SH3PXD2A: variants seen among roughly 807,000 people sequenced by gnomAD.
SH3PXD2A encodes SH3 and PX domains 2A.
SH3PXD2A carries 32 observed loss-of-function variants against 115.2 expected under a neutral mutation model. That is an observed-to-expected ratio of 0.28 (90% CI 0.21 to 0.37). SH3PXD2A has a LOEUF of 0.37. SH3PXD2A is among the 10% of genes least tolerant of loss of function. SH3PXD2A has a pLI of 1.00. For synonymous variants in SH3PXD2A, 610 were observed against 629.1 expected (o/e 0.97, Z 0.45); for missense variants, 1,328 against 1,498.7 (o/e 0.89, Z 1.88).
intron 5 of SH3PXD2A, among the ~76,000 whole-genome samples, chr10:103,702,028 C>G (rs933123421): frequency 6.9e-6 from 1 of 144,786 alleles, no homozygotes; most frequent in Non-Finnish European, 1.5e-5. Flanking sequence ...CATCATCCAT[C>G]CACCATCCAT....
chr10:103,766,498 G>C (rs934447132), intron 3 of SH3PXD2A, among the ~76,000 whole-genome samples: 1 of 152,160 alleles, frequency 6.6e-6, no homozygotes, highest in Non-Finnish European at 1.5e-5. Context: ...CCTCGGTATA[G>C]AGATGTGCAT....
At chr10:103,778,067 C>T (rs976001799) in intron 2 of SH3PXD2A, among the ~76,000 whole-genome samples, 1 of 152,136 alleles carries the variant, frequency 6.6e-6, no homozygotes, top group East Asian at 1.9e-4. Context: ...CAGTGACTCA[C>T]GCCTGTAATC....
rs2036145854 is a variant in SH3PXD2A, at chr10:103,596,980, C to G, written c.*4836G>C. ...AGGGGCAGAGCTCTGAGGCTCCAAC[C>G]CAGAGGAAACTTCCCATTCTGTTGC... On this transcript the variant is annotated 3_prime_UTR_variant, in exon 15 of 15. Transcript: ENST00000369774. 1 of 152,590 alleles carries G rather than the reference C, an allele frequency of 6.6e-6. No individual in the cohort carries two copies. Among genetic ancestry groups the G allele is most frequent in the African/African-American group, 2.4e-5 (1 of 41,418 alleles). 9.5% of individuals were successfully genotyped at this position (152,590 alleles called of 1,614,324 possible). A position where few individuals can be genotyped will look rare whatever the true frequency, so the allele number is the denominator to read the frequency against.
At chr10:103,799,983 G>A (rs1388541114) in intron 2 of SH3PXD2A, among the ~76,000 whole-genome samples, 2 of 152,188 alleles carry the variant, frequency 1.3e-5, no homozygotes, top group Non-Finnish European at 2.9e-5. Context: ...TGAGGACAAT[G>A]AGATAGAATT....
At chr10:103,606,482 TC>T (rs2036308636) in intron 13 of SH3PXD2A, among the ~76,000 whole-genome samples, 1 of 72,562 alleles carries the variant, frequency 1.4e-5, no homozygotes, top group Non-Finnish European at 2.7e-5. Context: ...CCCCTCCCCT[TC>T]CCTCTCCCTC....
chr10:103,599,509 T>TGAC lies in SH3PXD2A; in HGVS notation c.*2304_*2306dup, dbSNP rs2036186015. The TGAC allele has an allele frequency of 6.6e-6, 1 of 152,670 alleles. No individual in the cohort carries two copies. The highest frequency in any genetic ancestry group is 2.4e-5 in the African/African-American group (1 of 41,466). 9.5% of individuals were successfully genotyped at this position (152,670 alleles called of 1,614,324 possible). On this transcript the variant is annotated 3_prime_UTR_variant, in exon 15 of 15. Transcript: ENST00000369774. The stretch of plus-strand genomic sequence containing the variant: ...ATAGCTACATTGAAGGTTCTTTACC[T>TGAC]GACAGTCACTCTACTTTTAAATTTT...
chr10:103,775,260 C>G (rs1054066513), intron 2 of SH3PXD2A, among the ~76,000 whole-genome samples: 4 of 152,208 alleles, frequency 2.6e-5, no homozygotes, highest in Non-Finnish European at 4.4e-5. Flanking sequence ...CAAGCCTTCA[C>G]TACTTCAAGT....
intron 4 of SH3PXD2A, among the ~76,000 whole-genome samples, chr10:103,731,966 C>T (rs1564875450): frequency 6.6e-6 from 1 of 152,180 alleles, no homozygotes; most frequent in Non-Finnish European, 1.5e-5. Context: ...TTCCCTCCTA[C>T]AAAGAAAGCC....
At position 103,620,794 on chromosome 10, in the gene SH3PXD2A, A is replaced by G. The variant is rs1168450699; in HGVS notation, c.802+1676T>C. ...TGGGTGACCAAGAATTAGGCATTTC[A>G]TTGCGTATTTGTGTCTCCACATATC... is the stretch of plus-strand genomic sequence containing the variant. On this transcript the variant is annotated intron_variant, in intron 10 of 14. Coordinates refer to ENST00000369774, the MANE Select transcript of SH3PXD2A (RefSeq NM_001394015.1). The surrounding 1 kb of genome is among the most constrained non-coding windows in gnomAD (Gnocchi z 5.3). 6.6e-6 allele frequency among the ~76,000 whole-genome samples: 1 copy of G among 152,118 alleles called. No homozygotes were observed. The highest frequency in any genetic ancestry group is 2.4e-5 in the African/African-American group (1 of 41,400).
intron 1 of SH3PXD2A, among the ~76,000 whole-genome samples, chr10:103,853,001 G>A (rs1034597771): frequency 5.3e-5 from 8 of 152,128 alleles, no homozygotes; most frequent in African/African-American, 1.2e-4. Flanking sequence ...GTCTCTGCCC[G>A]TTCCACAATT....
At chr10:103,676,962 G>A (rs998574427) in intron 6 of SH3PXD2A, among the ~76,000 whole-genome samples, 4 of 152,208 alleles carry the variant, frequency 2.6e-5, no homozygotes, top group East Asian at 1.9e-4. Flanking sequence ...CAGTATTTGC[G>A]TTCACACAGA....
chr10:103,771,931 A>G (rs924330884), intron 2 of SH3PXD2A, among the ~76,000 whole-genome samples: 7 of 152,022 alleles, frequency 4.6e-5, no homozygotes, highest in African/African-American at 9.7e-5. Flanking sequence ...TAATCCCACC[A>G]CCAGGATAAA....
intron 1 of SH3PXD2A, among the ~76,000 whole-genome samples, chr10:103,827,904 G>A (rs1269043042): frequency 4.9e-4 from 75 of 152,202 alleles, no homozygotes; most frequent in Non-Finnish European, 3.4e-4. Context: ...GCTGTAAAAC[G>A]GGGATGACAA....
At chr10:103,643,039 C>T (rs1185691129) in intron 8 of SH3PXD2A, among the ~76,000 whole-genome samples, 2 of 152,210 alleles carry the variant, frequency 1.3e-5, no homozygotes. Context: ...TTGTCTAGGG[C>T]ATTCCTCCCT....
chr10:103,838,048 C>T (rs903477735), intron 1 of SH3PXD2A, among the ~76,000 whole-genome samples: 3 of 152,134 alleles, frequency 2.0e-5, no homozygotes, highest in African/African-American at 7.2e-5. Flanking sequence ...TGGTTAGCTG[C>T]GGAAACTGAG....
At chr10:103,736,682 G>A (rs771807334) in intron 3 of SH3PXD2A, 26 of 914,214 alleles carry the variant, frequency 2.8e-5, no homozygotes, top group Non-Finnish European at 3.6e-5. Flanking sequence ...TCCACAACTC[G>A]TTGTCCATTC....
chr10:103,698,152 G>A (rs960764428), intron 5 of SH3PXD2A, among the ~76,000 whole-genome samples: 30 of 152,220 alleles, frequency 2.0e-4, no homozygotes, highest in African/African-American at 3.1e-4. Context: ...CCATCCTGCC[G>A]TTCAGAGTTC....
At chr10:103,607,439 G>A (rs537835893) in intron 13 of SH3PXD2A, among the ~76,000 whole-genome samples, 91 of 151,544 alleles carry the variant, frequency 6.0e-4, no homozygotes, top group African/African-American at 2.1e-3. Context: ...CGCCCTGTCC[G>A]GGAGGTGAGG....
intron 5 of SH3PXD2A, among the ~76,000 whole-genome samples, chr10:103,695,591 G>A (rs2037815722): frequency 6.6e-6 from 1 of 151,978 alleles, no homozygotes; most frequent in Admixed American, 6.5e-5. Context: ...GCCCTGGTTG[G>A]TGATTCTCAG....
Sources: allele counts gnomAD v4.1 joint callset (sites outside exome capture counted in the v4.1 genomes callset), GRCh38; gene constraint gnomAD v4.1.1; non-coding constraint Gnocchi (gnomAD v3.1); transcripts MANE v1.5; gene names NCBI Gene and HGNC (gene_info 2026-07-23, HGNC 2026-07-21).